MCTP2: variants seen among roughly 807,000 people sequenced by gnomAD.
MCTP2 encodes multiple C2 and transmembrane domain containing 2.
In MCTP2, 132 loss-of-function variants were observed where a neutral mutation model predicts 111.6. That is an observed-to-expected ratio of 1.18 (90% CI 1.03 to 1.37). The LOEUF is 1.37. MCTP2 is among the 40% of genes most tolerant of loss of function. The pLI is 0.00. For missense variants in MCTP2, 1,183 were observed against 1,067.9 expected (o/e 1.11, Z -1.50); for synonymous variants, 395 against 387.7 (o/e 1.02, Z -0.22).
At position 94,367,730 on chromosome 15, in the gene MCTP2, C is replaced by G. The variant is rs998486379; in HGVS notation, c.1427C>G (p.Ser476Cys). 6 of 1,609,142 alleles carry G rather than the reference C, an allele frequency of 3.7e-6. No individual in the cohort carries two copies. The highest frequency in any genetic ancestry group is 1.3e-5 in the African/African-American group (1 of 74,472). ...ACACCCTGTGCGGGGGTCTCCGTCT[C>G]TGATCTGTGTGTCTGCCCCTTAGCA... ...TLTPCAGVSV[S>C]DLCVCPLADL... is the part of the protein sequence containing the mutation. Residue 476 changes from serine to cysteine, a missense_variant, in exon 11 of 23, where the codon TCT becomes TGT. Transcript: ENST00000357742.
chr15:94,387,937 G>A (rs2080608733), intron 14 of MCTP2, among the ~76,000 whole-genome samples: 1 of 152,196 alleles, frequency 6.6e-6, no homozygotes, highest in Admixed American at 6.5e-5. Flanking sequence ...TTCAAGGGCT[G>A]TGAGGCAGGA....
At chr15:94,319,653 G>C (rs1328570729) in intron 4 of MCTP2, among the ~76,000 whole-genome samples, 1 of 152,184 alleles carries the variant, frequency 6.6e-6, no homozygotes, top group East Asian at 1.9e-4. Flanking sequence ...TCTCCTTAGA[G>C]GTAGAGTTTC....
chr15:94,298,559 G>C lies in MCTP2; in HGVS notation c.294G>C (p.Gln98His), dbSNP rs760904125. The C allele has an allele frequency of 1.9e-6, 3 of 1,614,040 alleles. No homozygotes were observed. The highest frequency in any genetic ancestry group is 3.3e-5 in the Admixed American group (2 of 60,006). The part of the protein sequence containing the change: ...FPKSSSSSLK[Q>H]SEEELDWSQE... ...AGAGCAGCAGTAGCTCCTTGAAACA[G>C]TCTGAAGAAGAATTGGATTGGAGCC... The change falls in exon 2 of 23, where the codon CAG becomes CAC. Residue 98 changes from glutamine (Q) to histidine (H), a missense_variant. Transcript: ENST00000357742.
intron 21 of MCTP2, among the ~76,000 whole-genome samples, chr15:94,475,594 T>C (rs1254415778): frequency 1.3e-5 from 2 of 152,188 alleles, no homozygotes; most frequent in Non-Finnish European, 2.9e-5. Context: ...TTCAGCGTCA[T>C]TGGGACTGAC....
intron 19 of MCTP2, among the ~76,000 whole-genome samples, chr15:94,450,137 C>T (rs2084351396): frequency 6.6e-6 from 1 of 151,488 alleles, no homozygotes; most frequent in Non-Finnish European, 1.5e-5. Context: ...TTGGTAAATA[C>T]CAGTACAGTA....
chr15:94,290,509 G>T (rs2152324977), intron 1 of MCTP2, among the ~76,000 whole-genome samples: 2 of 152,184 alleles, frequency 1.3e-5, no homozygotes, highest in South Asian at 4.1e-4. Flanking sequence ...ATGAAAAACA[G>T]AACAAGAAGG....
chr15:94,461,409 G>A lies in MCTP2; in HGVS notation c.2360+3163G>A, dbSNP rs142853793. Among the ~76,000 whole-genome samples the A allele has an allele frequency of 4.4e-3, 670 of 152,232 alleles. 1 individual carries two copies. Among genetic ancestry groups the A allele is most frequent in the Non-Finnish European group, 7.2e-3 (488 of 68,008 alleles). On this transcript the variant is annotated intron_variant, in intron 20 of 22. Transcript: ENST00000357742. ...TGGGAGGCGGAGGTTGCAGTGAGCC[G>A]AGATGGCACCACCACACTACAGCCT...
chr15:94,248,342 A>G (rs1162162936), intron 1 of MCTP2, among the ~76,000 whole-genome samples: 1 of 152,206 alleles, frequency 6.6e-6, no homozygotes, highest in Non-Finnish European at 1.5e-5. Context: ...CCTTCCACCA[A>G]GTAGAACTGA....
At chr15:94,470,188 C>G (rs1049742906) in intron 20 of MCTP2, 145 bp from the exon 21 acceptor site, 14 of 600,312 alleles carry the variant, frequency 2.3e-5, no homozygotes, top group African/African-American at 1.9e-4. Context: ...TTGGCAGACT[C>G]TCATCTTGAG....
intron 19 of MCTP2, among the ~76,000 whole-genome samples, chr15:94,449,535 T>C (rs1261628510): frequency 6.6e-6 from 1 of 152,198 alleles, no homozygotes; most frequent in Non-Finnish European, 1.5e-5. Flanking sequence ...TTGATGTCTT[T>C]GTACCAAAGC....
At chr15:94,351,974 C>T (rs1567500146) in intron 8 of MCTP2, among the ~76,000 whole-genome samples, 1 of 152,224 alleles carries the variant, frequency 6.6e-6, no homozygotes, top group Non-Finnish European at 1.5e-5. Flanking sequence ...AGGCACCAAG[C>T]TGACCTGTCC....
intron 3 of MCTP2, 113 bp from the exon 4 acceptor site, chr15:94,315,416 G>T: frequency 1.4e-6 from 1 of 696,730 alleles, no homozygotes; most frequent in South Asian, 1.9e-5. Context: ...GGGGATGACA[G>T]TCGATCATCA....
Position 94,388,073 on chromosome 15 carries a change from G to A in MCTP2, c.1788+2548G>A, listed in dbSNP as rs1041127599. 2.6e-5 allele frequency among the ~76,000 whole-genome samples: 4 copies of A among 152,328 alleles called. No homozygotes were observed. The East Asian group carries it at 7.7e-4, about 29-fold the overall frequency. ...AGAGGACCCTGGAGGATGTGAAAGT[G>A]AAAAAGGTTGAAGTACTTTGGCATT... is the stretch of plus-strand genomic sequence containing the variant. On this transcript the variant is annotated intron_variant, in intron 14 of 22. Coordinates refer to ENST00000357742, the MANE Select transcript of MCTP2 (RefSeq NM_001385001.1).
At chr15:94,459,173 C>G (rs1461250598) in intron 20 of MCTP2, among the ~76,000 whole-genome samples, 1 of 152,004 alleles carries the variant, frequency 6.6e-6, no homozygotes, top group Non-Finnish European at 1.5e-5. Flanking sequence ...CAACCGTGTT[C>G]TTTCTAAGGA....
chr15:94,292,631 G>GC (rs1307964146), intron 1 of MCTP2, among the ~76,000 whole-genome samples: 2 of 152,186 alleles, frequency 1.3e-5, no homozygotes, highest in Non-Finnish European at 2.9e-5. Flanking sequence ...GATAAATGAA[G>GC]AGACCTGCCA....
intron 2 of MCTP2, among the ~76,000 whole-genome samples, chr15:94,303,258 A>C (rs541372911): frequency 1.8e-4 from 27 of 151,676 alleles, no homozygotes; most frequent in African/African-American, 6.5e-4. Context: ...GCTGAGGAGC[A>C]AGCAGTCCAG....
At chr15:94,460,364 C>T (rs1198121296) in intron 20 of MCTP2, among the ~76,000 whole-genome samples, 1 of 152,116 alleles carries the variant, frequency 6.6e-6, no homozygotes, top group African/African-American at 2.4e-5. Flanking sequence ...GTGGGAGATA[C>T]AGGGAGATGT....
At chr15:94,254,637 G>A (rs567662773) in intron 1 of MCTP2, among the ~76,000 whole-genome samples, 4 of 152,328 alleles carry the variant, frequency 2.6e-5, no homozygotes, top group Admixed American at 1.3e-4. Context: ...CAATTCATAT[G>A]TGGATGAAAT....
intron 19 of MCTP2, among the ~76,000 whole-genome samples, chr15:94,449,216 ATTAT>A (rs1426645311): frequency 6.6e-6 from 1 of 152,234 alleles, no homozygotes; most frequent in African/African-American, 2.4e-5. Context: ...TCAAGTAAGA[ATTAT>A]TTAAGCAATT....
Sources: gnomAD v4.1 joint callset for allele counts (sites outside exome capture counted in the v4.1 genomes callset) on GRCh38, gnomAD v4.1.1 for gene constraint, MANE v1.5 for transcripts, NCBI Gene and HGNC (gene_info 2026-07-23, HGNC 2026-07-21) for gene names.